The following PTPRG variants were observed in gnomAD, a reference collection of about 807,000 sequenced individuals.
The protein encoded by PTPRG is protein tyrosine phosphatase receptor type G, also known as receptor-type tyrosine-protein phosphatase gamma.
A neutral mutation model predicts 165.3 loss-of-function variants in PTPRG; 102 were observed. That is an observed-to-expected ratio of 0.62 (90% CI 0.53 to 0.73). The LOEUF is 0.73. PTPRG is among the 30% of genes least tolerant of loss of function. The pLI is 0.00. For missense variants in PTPRG, 1,866 were observed against 1,861.4 expected (o/e 1.00, Z -0.05); for synonymous variants, 675 against 669.5 (o/e 1.01, Z -0.13).
At chr3:61,931,129 C>A (rs1198896968) in intron 2 of PTPRG, among the ~76,000 whole-genome samples, 1 of 152,144 alleles carries the variant, frequency 6.6e-6, no homozygotes, top group Non-Finnish European at 1.5e-5. Flanking sequence ...GCAGCCTCCC[C>A]AACCTGATCT....
chr3:61,797,072 A>G (rs2035069433), intron 2 of PTPRG, among the ~76,000 whole-genome samples: 1 of 152,238 alleles, frequency 6.6e-6, no homozygotes, highest in South Asian at 2.1e-4. Flanking sequence ...CGAGGTTGTT[A>G]GAGGCCAGCC....
At chr3:62,151,400 G>A (rs1321006840) in intron 6 of PTPRG, among the ~76,000 whole-genome samples, 2 of 152,056 alleles carry the variant, frequency 1.3e-5, no homozygotes, top group African/African-American at 4.8e-5. Flanking sequence ...ATGAAAGAAA[G>A]CGTTGGGTGA....
At chr3:61,662,967 GT>G (rs541054363) in intron 1 of PTPRG, among the ~76,000 whole-genome samples, 45 of 152,228 alleles carry the variant, frequency 3.0e-4, no homozygotes, top group African/African-American at 1.1e-3. Flanking sequence ...CGATATGACT[GT>G]TTTCTTTAGT....
intron 1 of PTPRG, among the ~76,000 whole-genome samples, chr3:61,688,705 A>C (rs761641102): frequency 1.3e-5 from 2 of 152,230 alleles, no homozygotes; most frequent in Non-Finnish European, 2.9e-5. Context: ...AAAATTCAAT[A>C]GTCAGTACCC....
intron 1 of PTPRG, among the ~76,000 whole-genome samples, chr3:61,563,805 C>G (rs1699832774): frequency 1.3e-5 from 1 of 78,804 alleles, no homozygotes; most frequent in Non-Finnish European, 3.0e-5. Flanking sequence ...CCTCGTCGCC[C>G]TTGGGGATCC....
chr3:62,064,810 G>A (rs536664765), intron 4 of PTPRG, among the ~76,000 whole-genome samples: 8 of 132,194 alleles, frequency 6.1e-5, no homozygotes, highest in East Asian at 2.5e-4. Context: ...TGGGCTCGCC[G>A]CAACATCCAG....
At chr3:62,069,430 C>G (rs1231965741) in intron 4 of PTPRG, among the ~76,000 whole-genome samples, 1 of 152,132 alleles carries the variant, frequency 6.6e-6, no homozygotes, top group Non-Finnish European at 1.5e-5. Flanking sequence ...GGGCTACATT[C>G]TCCAAGGTAG....
intron 2 of PTPRG, among the ~76,000 whole-genome samples, chr3:61,875,658 GCACA>G (rs71722008): frequency 6.6e-6 from 1 of 150,830 alleles, no homozygotes; most frequent in Non-Finnish European, 1.5e-5. Context: ...CACACACACG[GCACA>G]CACACACACA....
chr3:61,672,177 G>A (rs1378192635), intron 1 of PTPRG, among the ~76,000 whole-genome samples: 1 of 142,208 alleles, frequency 7.0e-6, no homozygotes, highest in African/African-American at 2.6e-5. Flanking sequence ...CCGGGAAGAG[G>A]CGCTCCTCAC....
At chr3:61,971,393 AG>A (rs1295929000) in intron 2 of PTPRG, among the ~76,000 whole-genome samples, 3 of 152,220 alleles carry the variant, frequency 2.0e-5, no homozygotes, top group Non-Finnish European at 4.4e-5. Flanking sequence ...TATTCCAGGA[AG>A]AAAATCCTTT....
intron 4 of PTPRG, among the ~76,000 whole-genome samples, chr3:62,025,058 A>G (rs1336140351): frequency 6.6e-6 from 1 of 152,114 alleles, no homozygotes; most frequent in Non-Finnish European, 1.5e-5. Context: ...TAGAAGGGAG[A>G]GCTTTATATA....
intron 5 of PTPRG, among the ~76,000 whole-genome samples, chr3:62,092,818 G>C (rs1052950588): frequency 2.0e-5 from 3 of 152,178 alleles, no homozygotes; most frequent in Non-Finnish European, 4.4e-5. Context: ...AATAGCATGT[G>C]CCTGTCATAT....
intron 2 of PTPRG, among the ~76,000 whole-genome samples, chr3:61,892,977 A>G (rs566480043): frequency 1.1e-4 from 17 of 152,330 alleles, no homozygotes; most frequent in African/African-American, 3.4e-4. Context: ...AATACAGCAT[A>G]AGAATCAAAC....
At chr3:61,671,207 C>T (rs1342923860) in intron 1 of PTPRG, among the ~76,000 whole-genome samples, 1 of 146,498 alleles carries the variant, frequency 6.8e-6, no homozygotes, top group Non-Finnish European at 1.5e-5. Flanking sequence ...GGCAGGGTCA[C>T]AGGACAATAG....
At chr3:61,671,139 T>TTTTC (rs1491306482) in intron 1 of PTPRG, among the ~76,000 whole-genome samples, 10 of 9,398 alleles carry the variant, frequency 1.1e-3, no homozygotes, top group African/African-American at 2.0e-3. Context: ...ATGAACTTTC[T>TTTTC]TTTTTTTTTT....
At chr3:61,799,849 T>C (rs1056290307) in intron 2 of PTPRG, among the ~76,000 whole-genome samples, 4 of 152,166 alleles carry the variant, frequency 2.6e-5, no homozygotes, top group South Asian at 2.1e-4. Flanking sequence ...ATAACATTTT[T>C]CCCCAGAACA....
chr3:61,756,459 A>G (rs1575638039), intron 2 of PTPRG, among the ~76,000 whole-genome samples: 1 of 152,242 alleles, frequency 6.6e-6, no homozygotes, highest in South Asian at 2.1e-4. Context: ...ATGTGTTGCC[A>G]TATGCTTAAG....
In PTPRG at chr3:61,789,841, G is replaced by A. The variant is rs529709202; in HGVS notation, c.190+40859G>A. On this transcript the variant is annotated intron_variant, in intron 2 of 29. Coordinates refer to ENST00000474889, the MANE Select transcript of PTPRG (RefSeq NM_002841.4). Reference sequence around the variant, plus strand: ...ATTTGAGGCTTCTGTTGTAAGTGAGGTGAGATAAAAAATAATGCCTAAAAC... The same window carrying A: ...ATTTGAGGCTTCTGTTGTAAGTGAGATGAGATAAAAAATAATGCCTAAAAC... Among the ~76,000 whole-genome samples, 3 of 152,188 alleles carry A rather than the reference G, an allele frequency of 2.0e-5. No homozygotes were observed. The East Asian group carries it at 5.8e-4, about 29-fold the overall frequency.
At chr3:61,605,687 G>C (rs1277132824) in intron 1 of PTPRG, among the ~76,000 whole-genome samples, 2 of 152,046 alleles carry the variant, frequency 1.3e-5, no homozygotes, top group Non-Finnish European at 2.9e-5. Context: ...TTTCACCTCT[G>C]CCTCCCAAGT....
Sources: allele counts gnomAD v4.1 joint callset (sites outside exome capture counted in the v4.1 genomes callset), GRCh38; gene constraint gnomAD v4.1.1; transcripts MANE v1.5; gene names NCBI Gene and HGNC (gene_info 2026-07-23, HGNC 2026-07-21).